RTN4IP1: variants seen among roughly 807,000 people sequenced by gnomAD.
The protein encoded by RTN4IP1 is reticulon 4 interacting protein 1.
In RTN4IP1, 32 loss-of-function variants were observed where a neutral mutation model predicts 46.6. The ratio of observed to expected loss-of-function variants is 0.69; its 90% confidence interval spans 0.52 to 0.92. RTN4IP1 has a LOEUF of 0.92. Ranked by LOEUF, RTN4IP1 falls within the 40% of genes least tolerant of loss-of-function variation. The pLI is 0.00. For synonymous variants in RTN4IP1, 167 were observed against 161.8 expected, an observed-to-expected ratio of 1.03 and a Z score of -0.24; for missense variants, 424 against 485.8, an observed-to-expected ratio of 0.87 and a Z score of 1.20.
At chr6:106,602,831 C>A in intron 5 of RTN4IP1, 43 bp downstream of exon 5, 1 of 1,363,404 alleles carries the variant, frequency 7.3e-7, no homozygotes, top group Admixed American at 2.2e-5. Context: ...TAAATTCATG[C>A]AAACAAAATC....
chr6:106,629,182 C>T lies in RTN4IP1; in HGVS notation c.-161G>A. The T allele has an allele frequency of 1.6e-6, 1 of 639,320 alleles. No homozygotes were observed. The highest frequency in any genetic ancestry group is 2.0e-5 in the South Asian group (1 of 50,446). 39.6% of individuals were successfully genotyped at this position (639,320 alleles called of 1,614,324 possible). On this transcript the variant is annotated 5_prime_UTR_variant, in exon 1 of 9. Transcript: ENST00000369063. ...AAATGAAGCTAATCTAATGGAGAAA[C>T]TGAAAGAAGAATACGGAACTGTTAT...
chr6:106,576,058 A>C (rs2114618590), intron 8 of RTN4IP1, among the ~76,000 whole-genome samples: 1 of 152,328 alleles, frequency 6.6e-6, no homozygotes, highest in East Asian at 1.9e-4. Flanking sequence ...CTGGACAGGT[A>C]TGCCCCTGAC....
intron 4 of RTN4IP1, among the ~76,000 whole-genome samples, chr6:106,606,216 G>A (rs1776070231): frequency 6.6e-6 from 1 of 152,100 alleles, no homozygotes. Context: ...GAGTCCAGGA[G>A]TTCAAGACCA....
chr6:106,579,209 A>C (rs1436592462), intron 8 of RTN4IP1, among the ~76,000 whole-genome samples: 2 of 151,780 alleles, frequency 1.3e-5, no homozygotes, highest in Non-Finnish European at 2.9e-5. Flanking sequence ...GCACTCCAGC[A>C]TGGTGACAGA....
chr6:106,595,649 C>G (rs1164692682), intron 5 of RTN4IP1, among the ~76,000 whole-genome samples: 11 of 152,038 alleles, frequency 7.2e-5, no homozygotes, highest in African/African-American at 2.2e-4. Context: ...AGGTGCCCAC[C>G]ACCACGCCCG....
chr6:106,610,906 T>C (rs1308278505), intron 4 of RTN4IP1, among the ~76,000 whole-genome samples: 1 of 152,158 alleles, frequency 6.6e-6, no homozygotes, highest in Non-Finnish European at 1.5e-5. Flanking sequence ...TAAACATACA[T>C]TAAGGCACTG....
chr6:106,629,668 T>G (rs1272255290), upstream of RTN4IP1: 1 of 1,604,018 alleles, frequency 6.2e-7, no homozygotes, highest in Admixed American at 1.7e-5. Context: ...GGTGGCAGGC[T>G]GGGCACGAGG....
chr6:106,627,781 T>C (rs1439229511), intron 1 of RTN4IP1, among the ~76,000 whole-genome samples: 3 of 117,576 alleles, frequency 2.6e-5, no homozygotes, highest in Non-Finnish European at 5.0e-5. Context: ...TGAGATGGAG[T>C]CTCACTCTAT....
intron 4 of RTN4IP1, among the ~76,000 whole-genome samples, chr6:106,610,474 G>A (rs750499454): frequency 6.6e-6 from 1 of 152,154 alleles, no homozygotes; most frequent in East Asian, 1.9e-4. Flanking sequence ...TCAATGCAAA[G>A]GGAAGCAACT....
At chr6:106,595,367 A>G (rs1246986861) in intron 5 of RTN4IP1, among the ~76,000 whole-genome samples, 1 of 152,108 alleles carries the variant, frequency 6.6e-6, no homozygotes, top group Non-Finnish European at 1.5e-5. Flanking sequence ...GAGGCACATC[A>G]TGTCTGCTTG....
chr6:106,582,641 C>T (rs974024524), intron 8 of RTN4IP1, among the ~76,000 whole-genome samples: 1 of 152,182 alleles, frequency 6.6e-6, no homozygotes, highest in Non-Finnish European at 1.5e-5. Flanking sequence ...CAGAATACCA[C>T]CTTCTGGGTT....
chr6:106,600,832 T>G (rs553927593), intron 5 of RTN4IP1, among the ~76,000 whole-genome samples: 1 of 152,268 alleles, frequency 6.6e-6, no homozygotes, highest in East Asian at 1.9e-4. Flanking sequence ...TGTTTATCCA[T>G]TCATCAACTG....
intron 5 of RTN4IP1, among the ~76,000 whole-genome samples, chr6:106,597,587 G>C (rs938698964): frequency 5.9e-5 from 9 of 151,548 alleles, no homozygotes; most frequent in Non-Finnish European, 8.8e-5. Flanking sequence ...CAAGCAATCT[G>C]CCCTCCTCAG....
intron 1 of RTN4IP1, among the ~76,000 whole-genome samples, chr6:106,624,560 C>T (rs1238116592): frequency 6.6e-6 from 1 of 151,070 alleles, no homozygotes; most frequent in Non-Finnish European, 1.5e-5. Context: ...TGGTCTCAAA[C>T]TCCTAGGCTC....
chr6:106,630,246 G>A (rs1047859615), upstream of RTN4IP1, among the ~76,000 whole-genome samples: 1 of 152,078 alleles, frequency 6.6e-6, no homozygotes, highest in East Asian at 1.9e-4. Flanking sequence ...AATGCTTTCT[G>A]GGCAGTTCTT....
At chr6:106,601,804 T>A (rs755001164) in intron 5 of RTN4IP1, among the ~76,000 whole-genome samples, 4 of 152,054 alleles carry the variant, frequency 2.6e-5, no homozygotes, top group Non-Finnish European at 4.4e-5. Context: ...AGAGACAGGG[T>A]TTCACCATGT....
At chr6:106,612,865 C>G (rs1324069705) in intron 4 of RTN4IP1, among the ~76,000 whole-genome samples, 3 of 152,180 alleles carry the variant, frequency 2.0e-5, no homozygotes, top group African/African-American at 7.2e-5. Flanking sequence ...GACAGAGTAG[C>G]AGGGGCCACG....
At chr6:106,623,238 C>T (rs769199605) in intron 1 of RTN4IP1, among the ~76,000 whole-genome samples, 12 of 152,190 alleles carry the variant, frequency 7.9e-5, no homozygotes, top group South Asian at 2.1e-4. Context: ...TAAAAAGGAA[C>T]GAGATCATGT....
intron 5 of RTN4IP1, among the ~76,000 whole-genome samples, chr6:106,596,892 T>C (rs1775806522): frequency 6.6e-6 from 1 of 152,230 alleles, no homozygotes; most frequent in Admixed American, 6.5e-5. Flanking sequence ...TCCTTGAGTA[T>C]CTTAAATATG....
Sources: gnomAD v4.1 joint callset for allele counts (sites outside exome capture counted in the v4.1 genomes callset) on GRCh38, gnomAD v4.1.1 for gene constraint, MANE v1.5 for transcripts, NCBI Gene and HGNC (gene_info 2026-07-23, HGNC 2026-07-21) for gene names.